The following ZFHX3 variants were observed in gnomAD, a reference collection of about 807,000 sequenced individuals.
ZFHX3 encodes zinc finger homeobox 3, also known as zinc finger homeobox protein 3.
In ZFHX3, 42 loss-of-function variants were observed where a neutral mutation model predicts 279.1. That is an observed-to-expected ratio of 0.15 (90% confidence interval 0.12 to 0.19). ZFHX3 has a LOEUF of 0.19. ZFHX3 is among the 10% of genes least tolerant of loss of function. The probability of loss-of-function intolerance (pLI) is 1.00; values close to 1 mark genes in which losing one functional copy is unlikely to be tolerated. For synonymous variants in ZFHX3, 2,293 were observed against 1,957.8 expected, an observed-to-expected ratio of 1.17 and a Z score of -4.52; for missense variants, 4,981 against 4,754.0, an observed-to-expected ratio of 1.05 and a Z score of -1.40.
intron 2 of ZFHX3, among the ~76,000 whole-genome samples, chr16:73,505,178 T>C (rs1331335541): frequency 3.9e-5 from 6 of 152,120 alleles, no homozygotes; most frequent in Non-Finnish European, 7.4e-5. Context: ...ACCCGAGCCT[T>C]TTCAGATGAA....
At chr16:72,863,715 C>A (rs2037944008) in intron 4 of ZFHX3, among the ~76,000 whole-genome samples, 1 of 151,930 alleles carries the variant, frequency 6.6e-6, no homozygotes. Flanking sequence ...GGTTCATACT[C>A]TACTTGTGGA....
intron 4 of ZFHX3, among the ~76,000 whole-genome samples, chr16:73,279,905 G>T (rs529451261): frequency 7.8e-4 from 119 of 152,298 alleles, no homozygotes; most frequent in Non-Finnish European, 1.5e-3. Flanking sequence ...CGACAGAAAG[G>T]TTTGTGAAAA....
intron 1 of ZFHX3, among the ~76,000 whole-genome samples, chr16:73,715,789 G>C (rs964293727): frequency 6.6e-6 from 1 of 151,764 alleles, no homozygotes; most frequent in Admixed American, 6.6e-5. Flanking sequence ...GGCCAGGCTG[G>C]TCTTGAACTC....
At chr16:73,787,717 A>G (rs1230004010) in intron 1 of ZFHX3, among the ~76,000 whole-genome samples, 1 of 152,192 alleles carries the variant, frequency 6.6e-6, no homozygotes, top group Non-Finnish European at 1.5e-5. Flanking sequence ...CATAGGAATC[A>G]TAAGAAGTGA....
chr16:73,635,474 A>G (rs576508282), intron 2 of ZFHX3, among the ~76,000 whole-genome samples: 5 of 152,316 alleles, frequency 3.3e-5, no homozygotes, highest in Admixed American at 2.6e-4. Context: ...GTGTTCCAAC[A>G]GATTTTGTGA....
chr16:73,105,380 T>C lies in ZFHX3; in HGVS notation c.-896-11782A>G, dbSNP rs111828876. 3.9e-4 allele frequency among the ~76,000 whole-genome samples: 17 copies of C among 44,042 alleles called. 1 individual carries two copies. The highest frequency in any genetic ancestry group is 1.5e-3 in the African/African-American group (17 of 11,252). 28.9% of individuals were successfully genotyped at this position (44,042 alleles called of 152,430 possible). On this transcript the variant is annotated intron_variant, in intron 7 of 17. Coordinates refer to the ZFHX3 transcript ENST00000641206. Reference sequence around the variant, plus strand: ...ACATATATATACACACATATATATATATACACACACACACATATATATATA... The same window carrying C: ...ACATATATATACACACATATATATACATACACACACACACATATATATATA...
intron 7 of ZFHX3, among the ~76,000 whole-genome samples, chr16:73,105,695 A>G (rs1020332621): frequency 3.9e-5 from 6 of 152,166 alleles, no homozygotes; most frequent in Admixed American, 2.0e-4. Flanking sequence ...GGAGGTTGCA[A>G]TGGGCTGAGA....
chr16:72,933,953 G>C (rs1183248042), intron 3 of ZFHX3, among the ~76,000 whole-genome samples: 2 of 151,526 alleles, frequency 1.3e-5, no homozygotes, highest in South Asian at 4.2e-4. Context: ...CGAGTAGCTG[G>C]GACTGCAGGT....
intron 2 of ZFHX3, among the ~76,000 whole-genome samples, chr16:73,553,013 C>T (rs959768135): frequency 1.3e-5 from 2 of 152,226 alleles, no homozygotes; most frequent in Non-Finnish European, 1.5e-5. Context: ...CACATTCTGC[C>T]GGGCTCTGCT....
intron 3 of ZFHX3, among the ~76,000 whole-genome samples, chr16:73,412,884 A>G (rs1248317945): frequency 4.6e-5 from 7 of 152,222 alleles, no homozygotes; most frequent in Admixed American, 6.5e-5. Flanking sequence ...GGCAAGATCT[A>G]TATCTGTCTC....
chr16:73,510,536 G>C (rs539949511), intron 2 of ZFHX3, among the ~76,000 whole-genome samples: 4 of 152,316 alleles, frequency 2.6e-5, no homozygotes, highest in African/African-American at 9.6e-5. Flanking sequence ...GATATAGACT[G>C]TTTTGTTCAC....
At chr16:72,840,895 A>G (rs2037329509) in intron 4 of ZFHX3, among the ~76,000 whole-genome samples, 1 of 152,232 alleles carries the variant, frequency 6.6e-6, no homozygotes, top group Admixed American at 6.5e-5. Flanking sequence ...TTTCCAAACC[A>G]AATCTGGGGA....
chr16:73,836,465 C>CT (rs1961147345), intron 1 of ZFHX3, among the ~76,000 whole-genome samples: 2 of 152,126 alleles, frequency 1.3e-5, no homozygotes, highest in African/African-American at 4.8e-5. Context: ...AGATTCAGGA[C>CT]TTGAGTCATT....
intron 3 of ZFHX3, among the ~76,000 whole-genome samples, chr16:72,940,167 C>T (rs1336133153): frequency 6.6e-6 from 1 of 152,176 alleles, no homozygotes; most frequent in East Asian, 1.9e-4. Flanking sequence ...CTGCCTCAGC[C>T]TCCCTGTGTT....
intron 3 of ZFHX3, among the ~76,000 whole-genome samples, chr16:73,429,364 A>G (rs2017869870): frequency 6.6e-6 from 1 of 152,130 alleles, no homozygotes. Context: ...ATGGAGTCTC[A>G]CTTTGTTGCC....
intron 5 of ZFHX3, among the ~76,000 whole-genome samples, chr16:73,240,244 A>C (rs1262559269): frequency 6.6e-6 from 1 of 150,458 alleles, no homozygotes; most frequent in Non-Finnish European, 1.5e-5. Flanking sequence ...TTTTTGAGAC[A>C]GTCTTGCTCT....
At chr16:73,124,258 G>A (rs1258847531) in intron 7 of ZFHX3, among the ~76,000 whole-genome samples, 3 of 152,134 alleles carry the variant, frequency 2.0e-5, no homozygotes, top group Non-Finnish European at 4.4e-5. Flanking sequence ...CAAGGCACTG[G>A]GGACGGCAGA....
chr16:73,436,018 A>G (rs2017991466), intron 3 of ZFHX3, among the ~76,000 whole-genome samples: 2 of 152,170 alleles, frequency 1.3e-5, no homozygotes, highest in Non-Finnish European at 2.9e-5. Context: ...GACACACCTG[A>G]GACTGGGTAA....
At chr16:73,619,803 A>G (rs1377807354) in intron 2 of ZFHX3, among the ~76,000 whole-genome samples, 1 of 152,050 alleles carries the variant, frequency 6.6e-6, no homozygotes, top group African/African-American at 2.4e-5. Flanking sequence ...TGGCTCCCAC[A>G]TGGTTTTCCT....
Sources: gnomAD v4.1 joint callset for allele counts (sites outside exome capture counted in the v4.1 genomes callset) on GRCh38, gnomAD v4.1.1 for gene constraint, MANE v1.5 for transcripts, NCBI Gene and HGNC (gene_info 2026-07-23, HGNC 2026-07-21) for gene names.